Variants in TMEM8B observed in about 807,000 individuals in gnomAD.
TMEM8B encodes nasopharyngeal carcinoma expressed 6.
Under a neutral mutation model 49.3 loss-of-function variants are expected in TMEM8B, and 29 were observed. That is an observed-to-expected ratio of 0.59 (90% CI 0.44 to 0.80). The LOEUF (loss-of-function observed/expected upper bound fraction) is 0.80, where lower values mean the gene tolerates loss of function less well. Among genes scored for constraint, TMEM8B ranks in the 30% least tolerant of loss-of-function variants. TMEM8B has a pLI of 0.00. For synonymous variants in TMEM8B, 264 were observed against 272.8 expected (o/e 0.97, Z 0.32); for missense variants, 575 against 658.5 (o/e 0.87, Z 1.39).
Position 35,846,888 on chromosome 9 carries a change from C to G in TMEM8B, c.2068C>G (p.Leu690Val). The stretch of plus-strand genomic sequence containing the variant: ...TGGATTCCAGCTGCTGTCCACACTC[C>G]TGCTCTGCCTGAGCAACCTCATGTT... ...TYGFQLLSTLLLCLSNLMFLP... is the reference protein window; with the variant it reads ...TYGFQLLSTLVLCLSNLMFLP... The change falls in exon 10 of 13, where the codon CTG (leucine) becomes GTG (valine). Residue 690 changes from leucine to valine, a missense_variant. Transcript: ENST00000643932. The G allele has an allele frequency of 1.2e-6, 2 of 1,614,266 alleles. No homozygotes were observed. The highest frequency in any genetic ancestry group is 1.7e-6 in the Non-Finnish European group (2 of 1,180,046).
chr9:35,838,874 G>A (rs555425290), intron 3 of TMEM8B, among the ~76,000 whole-genome samples: 2 of 152,288 alleles, frequency 1.3e-5, no homozygotes, highest in East Asian at 3.9e-4. Context: ...TCTTGTTGAC[G>A]CTACTTCTGA....
chr9:35,839,199 G>A (rs1325554484), intron 3 of TMEM8B, among the ~76,000 whole-genome samples: 2 of 152,206 alleles, frequency 1.3e-5, no homozygotes, highest in African/African-American at 4.8e-5. Flanking sequence ...CCATACATAC[G>A]AGGACATTGT....
At chr9:35,840,376 A>G (rs1168084595) in intron 3 of TMEM8B, among the ~76,000 whole-genome samples, 1 of 152,310 alleles carries the variant, frequency 6.6e-6, no homozygotes, top group East Asian at 1.9e-4. Context: ...CGCTTCCCCC[A>G]GGTGGGATGA....
chr9:35,853,822 C>T lies in TMEM8B; in HGVS notation c.2757C>T (p.Ser919=). The change falls in exon 13 of 13, where the codon AGC becomes AGT. Residue 919 remains serine, a synonymous_variant. Coordinates refer to ENST00000643932, the MANE Select transcript of TMEM8B (RefSeq NM_001042590.4). This position sits in a 1 kb window ranked among gnomAD's most constrained non-coding sequence, Gnocchi z 4.2. ...GLVGPGGATV[S]SICAS Reference sequence around the variant, plus strand: ...TGGGCCCAGGAGGGGCCACTGTCAGCAGCATCTGTGCCAGCTGAGAGGGGC... The same window carrying T: ...TGGGCCCAGGAGGGGCCACTGTCAGTAGCATCTGTGCCAGCTGAGAGGGGC... The T allele has an allele frequency of 1.3e-6, 2 of 1,547,030 alleles. No individual in the cohort carries two copies. Among genetic ancestry groups the T allele is most frequent in the Non-Finnish European group, 1.7e-6 (2 of 1,149,634 alleles).
chr9:35,845,901 G>T, intron 6 of TMEM8B, 74 bp from the exon 7 acceptor site: 1 of 1,608,158 alleles, frequency 6.2e-7, no homozygotes, highest in African/African-American at 1.3e-5. Flanking sequence ...GGTTAACAGG[G>T]GTGGGAGTCT....
At position 35,854,405 on chromosome 9, in the gene TMEM8B, T is replaced by G. The variant is rs1441967599; in HGVS notation, c.*565T>G. On this transcript the variant is annotated 3_prime_UTR_variant, in exon 13 of 13. Transcript: ENST00000643932. ...GTTTGATACAGGTGGAGTCTGTGTG[T>G]CTCCAGTGATTGATTGGTTCAGAAT... 6.5e-6 allele frequency: 1 copy of G among 152,986 alleles called. No homozygotes were observed. Among genetic ancestry groups the G allele is most frequent in the Non-Finnish European group, 1.5e-5 (1 of 68,376 alleles). The allele number at this position is 152,986 out of a possible 1,614,324, so 9.5% of individuals were successfully genotyped here.
intron 3 of TMEM8B, among the ~76,000 whole-genome samples, chr9:35,836,553 T>C (rs1429069300): frequency 1.3e-5 from 2 of 152,216 alleles, no homozygotes; most frequent in African/African-American, 2.4e-5. Context: ...GCTGGGATTG[T>C]GGGAGCTGAG....
At chr9:35,831,537 GACAC>G (rs1829898205) in intron 1 of TMEM8B, among the ~76,000 whole-genome samples, 1 of 152,230 alleles carries the variant, frequency 6.6e-6, no homozygotes, top group Non-Finnish European at 1.5e-5. Context: ...TGGCAAATTG[GACAC>G]TGGGCAGAGG....
At chr9:35,832,195 GTGTGTA>G (rs1056560329) in intron 1 of TMEM8B, among the ~76,000 whole-genome samples, 9 of 138,382 alleles carry the variant, frequency 6.5e-5, no homozygotes, top group Non-Finnish European at 9.6e-5. Context: ...GTGTGTGTGT[GTGTGTA>G]TGTGTATGTG....
rs1417450113 is a variant in TMEM8B at position 35,841,551 on chromosome 9, A to G, written c.1066A>G (p.Arg356Gly). 2 of 416,746 alleles carry G rather than the reference A, an allele frequency of 4.8e-6. No individual in the cohort carries two copies. The highest frequency in any genetic ancestry group is 8.8e-6 in the Non-Finnish European group (2 of 227,126). 25.8% of individuals were successfully genotyped at this position (416,746 alleles called of 1,614,324 possible). A position where few individuals can be genotyped will look rare whatever the true frequency, so the allele number is the denominator to read the frequency against. The part of the protein sequence containing the change: ...YKVFVPSFTY[R>G]VSAQLVCVGG... ...GGTCTTTGTGCCCAGCTTCACTTAC[A>G]GGGTTTCAGCACAGCTGGTGTGTGT... The change falls in exon 5 of 13, where the codon AGG becomes GGG. Residue 356 changes from arginine to glycine, a missense_variant. Transcript: ENST00000643932. This position sits in a 1 kb window ranked among gnomAD's most constrained non-coding sequence, Gnocchi z 5.9.
chr9:35,863,674 C>G lies in TMEM8B; in HGVS notation c.*9834C>G, dbSNP rs546433565. The G allele has an allele frequency of 6.6e-6, 1 of 152,328 alleles. No homozygotes were observed. The highest frequency in any genetic ancestry group is 2.1e-4 in the South Asian group (1 of 4,822). The allele number at this position is 152,328 out of a possible 1,614,324, so 9.4% of individuals were successfully genotyped here. ...CGGTGGCTCAGGGTTCTCAGAGCCC[C>G]TGGCAGATGGAGGCTCCACCCTGTG... On this transcript the variant is annotated 3_prime_UTR_variant, in exon 13 of 13. Coordinates refer to ENST00000643932, the MANE Select transcript of TMEM8B (RefSeq NM_001042590.4).
At chr9:35,848,680 T>C (rs1400178871) in intron 10 of TMEM8B, among the ~76,000 whole-genome samples, 6 of 149,562 alleles carry the variant, frequency 4.0e-5, no homozygotes, top group African/African-American at 1.5e-4. Context: ...TTTTTCTTTT[T>C]TTTTTTTTTT....
chr9:35,838,240 T>C (rs1830629757), intron 3 of TMEM8B, among the ~76,000 whole-genome samples: 1 of 152,174 alleles, frequency 6.6e-6, no homozygotes, highest in African/African-American at 2.4e-5. Flanking sequence ...AAAGTAAGTT[T>C]TCCTCTTCCA....
In TMEM8B at chr9:35,846,224, C is replaced by T. The variant is rs748006450; in HGVS notation, c.1730-34C>T. 5 of 1,612,782 alleles carry T rather than the reference C, an allele frequency of 3.1e-6. No homozygotes were observed. In the East Asian group the frequency reaches 1.1e-4, roughly 36 times the overall value. On this transcript the variant is annotated intron_variant, in intron 7 of 12. Transcript: ENST00000643932. ...GAGGGTTCTTGGGTTCTGACCCCTCCTCCCTCTCACTGACTCCTTCCTTCT... is the reference window on the plus strand; with the variant it reads ...GAGGGTTCTTGGGTTCTGACCCCTCTTCCCTCTCACTGACTCCTTCCTTCT...
Position 35,857,195 on chromosome 9 carries a change from T to TC in TMEM8B, c.*3358dup, listed in dbSNP as rs1185021456. Reference sequence around the variant, plus strand: ...TGAAAGCTTCTGAGTGACAATTCAGTCCCGCAAACCTTCCATAGGGAACAT... The same window carrying TC: ...TGAAAGCTTCTGAGTGACAATTCAGTCCCCGCAAACCTTCCATAGGGAACAT... On this transcript the variant is annotated 3_prime_UTR_variant, in exon 13 of 13. Coordinates refer to ENST00000643932, the MANE Select transcript of TMEM8B (RefSeq NM_001042590.4). The TC allele has an allele frequency of 6.6e-6, 1 of 152,240 alleles. No homozygotes were observed. Among genetic ancestry groups the TC allele is most frequent in the African/African-American group, 2.4e-5 (1 of 41,468 alleles). 9.4% of individuals were successfully genotyped at this position (152,240 alleles called of 1,614,324 possible).
chr9:35,858,797 GCTTTGTTA>G lies in TMEM8B; in HGVS notation c.*4962_*4969del, dbSNP rs1373818192. 1 of 152,222 alleles carries G rather than the reference GCTTTGTTA, an allele frequency of 6.6e-6. No homozygotes were observed. Among genetic ancestry groups the G allele is most frequent in the Non-Finnish European group, 1.5e-5 (1 of 68,066 alleles). The allele number at this position is 152,222 out of a possible 1,614,324, so 9.4% of individuals were successfully genotyped here. On this transcript the variant is annotated 3_prime_UTR_variant, in exon 13 of 13. Transcript: ENST00000643932. ...GTAGAAGCTTTAAGAGTCAGTGTAG[GCTTTGTTA>G]CTTTCCCTTTTCTTTTTGTCATGGT...
Position 35,858,782 on chromosome 9 carries a change from T to TA in TMEM8B, c.*4944dup, listed in dbSNP as rs1307044765. 6.6e-6 allele frequency: 1 copy of TA among 152,294 alleles called. No homozygotes were observed. Among genetic ancestry groups the TA allele is most frequent in the Non-Finnish European group, 1.5e-5 (1 of 68,072 alleles). The allele number at this position is 152,294 out of a possible 1,614,324, so 9.4% of individuals were successfully genotyped here. On this transcript the variant is annotated 3_prime_UTR_variant, in exon 13 of 13. Coordinates refer to ENST00000643932, the MANE Select transcript of TMEM8B (RefSeq NM_001042590.4). ...CACAGCCACTTCTGAGTAGAAGCTT[T>TA]AAGAGTCAGTGTAGGCTTTGTTACT...
At position 35,842,595 on chromosome 9, in the gene TMEM8B, T is replaced by G; in HGVS notation, c.1513T>G (p.Phe505Val). ...CGAGCTGGACACCTTCTCTGTCCAC[T>G]TCTACATCTTCTTTGGCCCAAGTGT... is the stretch of plus-strand genomic sequence containing the variant. ...RNELDTFSVH[F>V]YIFFGPSVAL... is the part of the protein sequence containing the mutation. The change falls in exon 6 of 13, where the codon TTC becomes GTC. Residue 505 changes from phenylalanine (F) to valine (V), a missense_variant. Phe to Val is a conservative substitution (Grantham distance 50, BLOSUM62 -1). Coordinates refer to ENST00000643932, the MANE Select transcript of TMEM8B (RefSeq NM_001042590.4). This position sits in a 1 kb window ranked among gnomAD's most constrained non-coding sequence, Gnocchi z 5.6. 6.2e-7 allele frequency: 1 copy of G among 1,614,258 alleles called. No homozygotes were observed. The highest frequency in any genetic ancestry group is 8.5e-7 in the Non-Finnish European group (1 of 1,180,044).
At position 35,841,062 on chromosome 9, in the gene TMEM8B, G is replaced by T. The variant is rs560763906; in HGVS notation, c.907-72G>T. The T allele has an allele frequency of 2.7e-5, 11 of 413,500 alleles. No individual in the cohort carries two copies. The South Asian group carries it at 1.5e-3, about 55-fold the overall frequency. The allele number at this position is 413,500 out of a possible 1,614,324, so 25.6% of individuals were successfully genotyped here. ...GGGTTTCTCCCCAGCCCGCCCAGCA[G>T]GTTCTGTTTGCCTTGGTTTAGTCAC... On this transcript the variant is annotated intron_variant, in intron 3 of 12. Transcript: ENST00000643932. The surrounding 1 kb of genome is among the most constrained non-coding windows in gnomAD (Gnocchi z 5.9).
Sources: allele counts gnomAD v4.1 joint callset (sites outside exome capture counted in the v4.1 genomes callset), GRCh38; gene constraint gnomAD v4.1.1; non-coding constraint Gnocchi (gnomAD v3.1); transcripts MANE v1.5; gene names NCBI Gene and HGNC (gene_info 2026-07-23, HGNC 2026-07-21).